Variants in PRLR observed in about 807,000 individuals in gnomAD.
PRLR encodes prolactin receptor, also known as hPRL receptor.
In PRLR, 13 loss-of-function variants were observed where a neutral mutation model predicts 40.2. The ratio of observed to expected loss-of-function variants is 0.32; its 90% CI spans 0.21 to 0.51. The LOEUF is 0.51. Ranked by LOEUF, PRLR falls within the 20% of genes least tolerant of loss-of-function variation. The pLI, the probability that PRLR is intolerant of heterozygous loss-of-function variation, is 0.97. For synonymous variants in PRLR, 269 were observed against 278.7 expected (o/e 0.97, Z 0.35); for missense variants, 656 against 747.3 (o/e 0.88, Z 1.42).
At chr5:35,209,666 T>C (rs1776118956) in intron 1 of PRLR, among the ~76,000 whole-genome samples, 1 of 152,234 alleles carries the variant, frequency 6.6e-6, no homozygotes, top group African/African-American at 2.4e-5. Context: ...GATCCCACAG[T>C]ATTAAAAGTC....
rs574462198 is a variant in PRLR, at chr5:35,184,604, T to C, written c.-106+45664A>G. ...TCAACTAGAATGACTGAATCAGGCA[T>C]GTGCATGGGATCCATTGCACCACAT... On this transcript the variant is annotated intron_variant, in intron 1 of 9. Coordinates refer to ENST00000618457, the MANE Select transcript of PRLR (RefSeq NM_000949.7). Among the ~76,000 whole-genome samples, 13 of 152,340 alleles carry C rather than the reference T, an allele frequency of 8.5e-5. No individual in the cohort carries two copies. In the East Asian group the frequency reaches 2.3e-3, roughly 27 times the overall value.
intron 1 of PRLR, among the ~76,000 whole-genome samples, chr5:35,185,858 GTC>G (rs1185198761): frequency 2.0e-5 from 3 of 152,174 alleles, no homozygotes; most frequent in African/African-American, 7.2e-5. Flanking sequence ...ATTCTGTGGC[GTC>G]TCTTTCTGTT....
rs750246170 is a variant in PRLR, at chr5:35,070,121, C to T, written c.685+3G>A. ...ATAAGCAAAAAAGAGCCAAGACGCT[C>T]ACCACTAGGTATCTGAATGAAGGTC... On this transcript the variant is annotated splice_donor_region_variant and intron_variant, in intron 7 of 9. Transcript: ENST00000618457. 1.9e-6 allele frequency: 3 copies of T among 1,597,254 alleles called. No individual in the cohort carries two copies. The highest frequency in any genetic ancestry group is 1.4e-5 in the African/African-American group (1 of 73,692).
chr5:35,216,523 C>T (rs2111658929), intron 1 of PRLR, among the ~76,000 whole-genome samples: 1 of 152,232 alleles, frequency 6.6e-6, no homozygotes, highest in South Asian at 2.1e-4. Context: ...AAACTTATTC[C>T]TTGGGCCTAG....
intron 1 of PRLR, among the ~76,000 whole-genome samples, chr5:35,219,640 G>C (rs1048952393): frequency 1.3e-5 from 2 of 152,100 alleles, no homozygotes; most frequent in Admixed American, 1.3e-4. Flanking sequence ...CTAGTAATGC[G>C]AATGTGACCT....
At chr5:35,178,005 C>A (rs1775193772) in intron 1 of PRLR, among the ~76,000 whole-genome samples, 1 of 151,762 alleles carries the variant, frequency 6.6e-6, no homozygotes, top group Non-Finnish European at 1.5e-5. Context: ...TAATCATAGC[C>A]ATCCTAGTGA....
chr5:35,059,338 A>C lies in PRLR; in HGVS notation c.*5751T>G, dbSNP rs1768901145. The C allele has an allele frequency of 6.6e-6, 1 of 152,196 alleles. No individual in the cohort carries two copies. The highest frequency in any genetic ancestry group is 1.5e-5 in the Non-Finnish European group (1 of 68,034). 9.4% of individuals were successfully genotyped at this position (152,196 alleles called of 1,614,324 possible). On this transcript the variant is annotated 3_prime_UTR_variant, in exon 10 of 10. Transcript: ENST00000618457. ...TAGGTTTTTCCTATTTTGAGACTTT[A>C]CATGTCTCAGTACTTTCTAAATTGA...
rs1326979597 is a variant in PRLR, at chr5:35,056,403, C to T, written c.*8686G>A. The T allele has an allele frequency of 6.6e-6, 1 of 152,100 alleles. No individual in the cohort carries two copies. The allele number at this position is 152,100 out of a possible 1,614,324, so 9.4% of individuals were successfully genotyped here. On this transcript the variant is annotated 3_prime_UTR_variant, in exon 10 of 10. Coordinates refer to ENST00000618457, the MANE Select transcript of PRLR (RefSeq NM_000949.7). ...CCCTGGTGGGGGCTTTTCAATAATT[C>T]TATTTCTTATCCTTCTCCCTAGTCC...
chr5:35,146,245 G>A (rs965815718), intron 1 of PRLR, among the ~76,000 whole-genome samples: 1 of 152,160 alleles, frequency 6.6e-6, no homozygotes, highest in East Asian at 1.9e-4. Flanking sequence ...AGTATATATA[G>A]ATAAAACAAA....
intron 1 of PRLR, among the ~76,000 whole-genome samples, chr5:35,133,247 G>A (rs1773742340): frequency 6.6e-6 from 1 of 152,186 alleles, no homozygotes; most frequent in East Asian, 1.9e-4. Context: ...GCTCCAGCTT[G>A]CAGACGGCAC....
At chr5:35,105,641 C>A (rs533092574) in intron 2 of PRLR, among the ~76,000 whole-genome samples, 1 of 151,826 alleles carries the variant, frequency 6.6e-6, no homozygotes, top group African/African-American at 2.4e-5. Flanking sequence ...GACTGAAGAT[C>A]AAATGAATGA....
rs1028555864 is a variant in PRLR at position 35,059,140 on chromosome 5, C to T, written c.*5949G>A. The T allele has an allele frequency of 2.0e-5, 3 of 152,066 alleles. No individual in the cohort carries two copies. 9.4% of individuals were successfully genotyped at this position (152,066 alleles called of 1,614,324 possible). A position where few individuals can be genotyped will look rare whatever the true frequency, so the allele number is the denominator to read the frequency against. ...CAAGTGAAGCGTAATTTGACCATAA[C>T]TATTAAAGGTTATTTTTTATATTAC... On this transcript the variant is annotated 3_prime_UTR_variant, in exon 10 of 10. Coordinates refer to ENST00000618457, the MANE Select transcript of PRLR (RefSeq NM_000949.7).
chr5:35,206,374 T>A (rs1421698432), intron 1 of PRLR, among the ~76,000 whole-genome samples: 1 of 152,056 alleles, frequency 6.6e-6, no homozygotes, highest in Non-Finnish European at 1.5e-5. Flanking sequence ...AGACAATAGT[T>A]ATGGACACAG....
rs1000100177 is a variant in PRLR at position 35,118,159 on chromosome 5, A to G, written c.-105-37T>C. 9 of 953,600 alleles carry G rather than the reference A, an allele frequency of 9.4e-6. No individual in the cohort carries two copies. The African/African-American group carries it at 1.6e-4, about 17-fold the overall frequency. The allele number at this position is 953,600 out of a possible 1,614,324, so 59.1% of individuals were successfully genotyped here. A position where few individuals can be genotyped will look rare whatever the true frequency, so the allele number is the denominator to read the frequency against. Reference sequence around the variant, plus strand: ...AATGATTCATTTTAGCTCCAAGATGACAAAACGGGAGATTCCATTTCTGGC... The same window carrying G: ...AATGATTCATTTTAGCTCCAAGATGGCAAAACGGGAGATTCCATTTCTGGC... On this transcript the variant is annotated intron_variant, in intron 1 of 9. Transcript: ENST00000618457.
At chr5:35,152,953 G>A (rs2047741) in intron 1 of PRLR, 4 of 152,064 alleles carry the variant, frequency 2.6e-5, no homozygotes, top group South Asian at 2.1e-4. Flanking sequence ...TGGCAGGCAT[G>A]GGACTTGGTA....
rs759977784 is a variant in PRLR at position 35,065,362 on chromosome 5, G to C, written c.1596C>G (p.Gly532=). The part of the protein sequence containing the change: ...SLLPKQRENS[G]KPKKPGTPEN... ...CAGGAGTCCCGGGCTTCTTGGGCTT[G>C]CCGCTGTTCTCTCTCTGTTTTGGTA... Residue 532 remains glycine, a synonymous_variant, in exon 10 of 10, where the codon GGC becomes GGG. Transcript: ENST00000618457. 59 of 1,614,014 alleles carry C rather than the reference G, an allele frequency of 3.7e-5. No homozygotes were observed. Among genetic ancestry groups the C allele is most frequent in the Admixed American group, 1.5e-4 (9 of 60,000 alleles).
At chr5:35,134,061 A>T (rs1305204941) in intron 1 of PRLR, among the ~76,000 whole-genome samples, 1 of 152,152 alleles carries the variant, frequency 6.6e-6, no homozygotes. Context: ...TGAGGGATAA[A>T]AGACTACAAA....
At chr5:35,119,255 A>G (rs1773188293) in intron 1 of PRLR, among the ~76,000 whole-genome samples, 1 of 152,160 alleles carries the variant, frequency 6.6e-6, no homozygotes, top group African/African-American at 2.4e-5. Context: ...AATCTTCAGG[A>G]TTATTCCTTG....
At chr5:35,169,863 C>T (rs1005887847) in intron 1 of PRLR, among the ~76,000 whole-genome samples, 9 of 152,114 alleles carry the variant, frequency 5.9e-5, no homozygotes, top group African/African-American at 1.2e-4. Flanking sequence ...GCATAGTCTG[C>T]GTTTAGCATT....
Sources: gnomAD v4.1 joint callset for allele counts (sites outside exome capture counted in the v4.1 genomes callset) on GRCh38, gnomAD v4.1.1 for gene constraint, MANE v1.5 for transcripts, NCBI Gene and HGNC (gene_info 2026-07-23, HGNC 2026-07-21) for gene names.